The following ST7L variants were observed in gnomAD, a reference collection of about 807,000 sequenced individuals.
ST7L encodes suppressor of tumorigenicity 7 protein-like.
In ST7L, 57 loss-of-function variants were observed where a neutral mutation model predicts 72.5. The ratio of observed to expected loss-of-function variants is 0.79; its 90% confidence interval spans 0.64 to 0.98. The LOEUF (loss-of-function observed/expected upper bound fraction) is 0.98. Among genes scored for constraint, ST7L ranks in the 50% least tolerant of loss-of-function variants. ST7L has a pLI of 0.00. For synonymous variants in ST7L, 221 were observed against 240.9 expected (o/e 0.92, Z 0.77); for missense variants, 576 against 672.2 (o/e 0.86, Z 1.58).
intron 2 of ST7L, 91 bp from the exon 3 acceptor site, chr1:112,611,094 T>G: frequency 7.7e-7 from 1 of 1,294,162 alleles, no homozygotes; most frequent in Non-Finnish European, 1.0e-6. Flanking sequence ...TCCTGTTCAA[T>G]TCAGCATTTT....
intron 8 of ST7L, 24 bp from the exon 9 acceptor site, chr1:112,582,130 G>A (rs752546700): frequency 6.6e-7 from 1 of 1,518,140 alleles, no homozygotes; most frequent in East Asian, 2.3e-5. Flanking sequence ...GGAAAAGAAA[G>A]ATTAAAATCA....
intron 11 of ST7L, among the ~76,000 whole-genome samples, chr1:112,559,344 C>T (rs1659710871): frequency 6.6e-6 from 1 of 152,080 alleles, no homozygotes; most frequent in South Asian, 2.1e-4. Flanking sequence ...AATGATTCTC[C>T]TGCCTCAGCC....
chr1:112,535,037 A>G (rs1321807726), intron 14 of ST7L, among the ~76,000 whole-genome samples: 1 of 152,080 alleles, frequency 6.6e-6, no homozygotes, highest in Non-Finnish European at 1.5e-5. Context: ...CAACTTTAAA[A>G]CTGAATTAAA....
At chr1:112,595,364 T>C (rs1170592855) in intron 5 of ST7L, among the ~76,000 whole-genome samples, 4 of 40,942 alleles carry the variant, frequency 9.8e-5, no homozygotes, top group Non-Finnish European at 1.7e-4. Flanking sequence ...AAACTTGGTC[T>C]CAAAAGAAAA....
chr1:112,596,626 CCATT>C (rs1666518995), intron 5 of ST7L, among the ~76,000 whole-genome samples: 2 of 152,114 alleles, frequency 1.3e-5, no homozygotes, highest in South Asian at 4.2e-4. Flanking sequence ...GACATCTAGG[CCATT>C]CATTCATTCA....
intron 1 of ST7L, chr1:112,618,195 A>T: frequency 8.2e-7 from 1 of 1,215,022 alleles, no homozygotes. Flanking sequence ...TCCTGTCTAC[A>T]GCTAAAGAAT....
chr1:112,590,833 A>G (rs1665583936), intron 6 of ST7L, among the ~76,000 whole-genome samples: 1 of 152,124 alleles, frequency 6.6e-6, no homozygotes. Flanking sequence ...CTTCAAGTCC[A>G]TTAGCAACTA....
At chr1:112,581,272 T>C (rs931910731) in intron 9 of ST7L, among the ~76,000 whole-genome samples, 3 of 152,194 alleles carry the variant, frequency 2.0e-5, no homozygotes, top group African/African-American at 4.8e-5. Context: ...ACCCCTACTA[T>C]GTGCACAGCA....
rs1242386256 is a variant in ST7L at position 112,577,118 on chromosome 1, A to C, written c.1143-30T>G. 2.1e-6 allele frequency: 3 copies of C among 1,445,966 alleles called. No homozygotes were observed. The African/African-American group carries it at 4.3e-5, about 21-fold the overall frequency. The allele number at this position is 1,445,966 out of a possible 1,614,324, so 89.6% of individuals were successfully genotyped here. On this transcript the variant is annotated intron_variant, in intron 10 of 14. Coordinates refer to ENST00000358039, the MANE Select transcript of ST7L (RefSeq NM_017744.5). ...AAGAAAACCACAAAATGAAAAAATA[A>C]ATATGCTAAAAAAAAGAAAAAAAGT...
intron 11 of ST7L, 26 bp from the exon 12 acceptor site, chr1:112,556,044 A>ATACACAC: frequency 6.9e-7 from 1 of 1,444,348 alleles, no homozygotes. Flanking sequence ...ACAGACACAT[A>ATACACAC]TACACACAAC....
At position 112,545,242 on chromosome 1, in the gene ST7L, T is replaced by A. The variant is rs1380046848; in HGVS notation, c.1490-3152A>T. On this transcript the variant is annotated intron_variant, in intron 13 of 14. Transcript: ENST00000358039. ...CCCAGCATATTCCCCCTCTCCTACC[T>A]TCTGGAGTTTGCACCAAGTTAGAAT... is the stretch of plus-strand genomic sequence containing the variant. Among the ~76,000 whole-genome samples the A allele has an allele frequency of 2.6e-5, 4 of 151,738 alleles. No homozygotes were observed. The South Asian group carries it at 8.4e-4, about 32-fold the overall frequency.
intron 7 of ST7L, among the ~76,000 whole-genome samples, 169 bp downstream of exon 7, chr1:112,583,803 A>G (rs1664468172): frequency 6.6e-6 from 1 of 152,260 alleles, no homozygotes; most frequent in Non-Finnish European, 1.5e-5. Flanking sequence ...TCTCTGGCTA[A>G]TACACATTTC....
intron 14 of ST7L, among the ~76,000 whole-genome samples, chr1:112,537,889 C>A (rs1655474322): frequency 6.6e-6 from 1 of 152,194 alleles, no homozygotes; most frequent in Admixed American, 6.5e-5. Flanking sequence ...AAAGAAGAGG[C>A]ACTAAAACCA....
At chr1:112,565,652 C>T (rs1240878943) in intron 11 of ST7L, among the ~76,000 whole-genome samples, 2 of 152,088 alleles carry the variant, frequency 1.3e-5, no homozygotes, top group Middle Eastern at 3.4e-3. Flanking sequence ...CAAAGGAATC[C>T]CCCAAACCTT....
At chr1:112,600,730 G>T in intron 4 of ST7L, 64 bp downstream of exon 4, 1 of 1,393,750 alleles carries the variant, frequency 7.2e-7, no homozygotes. Flanking sequence ...AAAGACAAAT[G>T]ATTTTGTAAA....
At chr1:112,582,601 G>A in intron 7 of ST7L, 129 bp from the exon 8 acceptor site, 1 of 523,320 alleles carries the variant, frequency 1.9e-6, no homozygotes, top group Non-Finnish European at 3.3e-6. Context: ...GTGTCAGAAT[G>A]GAAGAATATT....
chr1:112,601,597 G>T (rs1437683162), intron 3 of ST7L, among the ~76,000 whole-genome samples: 1 of 152,144 alleles, frequency 6.6e-6, no homozygotes, highest in African/African-American at 2.4e-5. Context: ...TTTGTTCTGG[G>T]AAAATCAGGG....
chr1:112,574,653 C>T (rs1383979839), intron 11 of ST7L, among the ~76,000 whole-genome samples: 9 of 147,410 alleles, frequency 6.1e-5, no homozygotes, highest in South Asian at 2.1e-4. Context: ...AACAAGACTC[C>T]GTCTCAAAAA....
At chr1:112,526,132 C>G in intron 14 of ST7L, 21 bp from the exon 15 acceptor site, 1 of 1,613,890 alleles carries the variant, frequency 6.2e-7, no homozygotes, top group Non-Finnish European at 8.5e-7. Flanking sequence ...GAAATTGATA[C>G]AAAATGTTCA....
Sources: gnomAD v4.1 joint callset for allele counts (sites outside exome capture counted in the v4.1 genomes callset) on GRCh38, gnomAD v4.1.1 for gene constraint, MANE v1.5 for transcripts, NCBI Gene and HGNC (gene_info 2026-07-23, HGNC 2026-07-21) for gene names.